Variants in CEP350 observed in about 807,000 individuals in gnomAD.
The protein encoded by CEP350 is centrosome-associated protein 350.
In CEP350, 126 loss-of-function variants were observed where a neutral mutation model predicts 331.8. The ratio of observed to expected loss-of-function variants is 0.38; its 90% confidence interval spans 0.33 to 0.44. CEP350 has a LOEUF of 0.44. Ranked by LOEUF, CEP350 falls within the 20% of genes least tolerant of loss-of-function variation. CEP350 has a pLI of 1.00. For missense variants in CEP350, 3,406 were observed against 3,634.6 expected, an observed-to-expected ratio of 0.94 and a Z score of 1.62; for synonymous variants, 1,200 against 1,259.5, an observed-to-expected ratio of 0.95 and a Z score of 1.00.
chr1:180,112,730 C>A lies in CEP350; in HGVS notation c.*1569C>A, dbSNP rs1375819161. The A allele has an allele frequency of 6.6e-6, 1 of 152,596 alleles. No homozygotes were observed. The highest frequency in any genetic ancestry group is 1.5e-5 in the Non-Finnish European group (1 of 68,024). 9.5% of individuals were successfully genotyped at this position (152,596 alleles called of 1,614,324 possible). A position where few individuals can be genotyped will look rare whatever the true frequency, so the allele number is the denominator to read the frequency against. ...ATAGCTTCAAAGTATATTAGAAAAA[C>A]CCCAAAGATGGTATAATCTTTAAGT... is the stretch of plus-strand genomic sequence containing the variant. On this transcript the variant is annotated 3_prime_UTR_variant, in exon 38 of 38. Coordinates refer to ENST00000367607, the MANE Select transcript of CEP350 (RefSeq NM_014810.5).
At chr1:179,985,869 A>G (rs146695578) in intron 1 of CEP350, among the ~76,000 whole-genome samples, 255 of 152,254 alleles carry the variant, frequency 1.7e-3, no homozygotes, top group Non-Finnish European at 2.9e-3. Flanking sequence ...ACCAAACCAT[A>G]TCATATATCT....
intron 37 of CEP350, among the ~76,000 whole-genome samples, chr1:180,102,650 G>A (rs898693066): frequency 2.6e-5 from 4 of 151,920 alleles, no homozygotes; most frequent in East Asian, 1.9e-4. Context: ...CATTGTTTCT[G>A]CATCCTTTTC....
chr1:180,086,673 C>T (rs1479644021), intron 31 of CEP350, among the ~76,000 whole-genome samples: 3 of 152,216 alleles, frequency 2.0e-5, no homozygotes, highest in Non-Finnish European at 4.4e-5. Flanking sequence ...TCATAGTCCT[C>T]ATATATACCT....
intron 1 of CEP350, among the ~76,000 whole-genome samples, chr1:179,955,973 A>G (rs1393132752): frequency 2.6e-5 from 4 of 152,224 alleles, no homozygotes; most frequent in Admixed American, 6.5e-5. Context: ...CTGTATTTGA[A>G]GAGTTTTAAA....
intron 14 of CEP350, among the ~76,000 whole-genome samples, chr1:180,025,837 G>A (rs1488424156): frequency 6.6e-6 from 1 of 152,058 alleles, no homozygotes; most frequent in Non-Finnish European, 1.5e-5. Flanking sequence ...GATAGGTGTA[G>A]CAAACCACCA....
chr1:180,029,038 G>C (rs1489380831), intron 14 of CEP350, among the ~76,000 whole-genome samples: 1 of 152,084 alleles, frequency 6.6e-6, no homozygotes, highest in African/African-American at 2.4e-5. Context: ...AAATCAGTGT[G>C]ATTTTAATTG....
At chr1:179,991,962 A>G (rs913068620) in intron 4 of CEP350, 100 bp from the exon 5 acceptor site, 51 of 1,145,936 alleles carry the variant, frequency 4.5e-5, no homozygotes, top group Non-Finnish European at 1.2e-6. Context: ...TCCAACTATT[A>G]GAAATAATAG....
intron 17 of CEP350, among the ~76,000 whole-genome samples, chr1:180,037,666 T>A (rs573239737): frequency 2.2e-4 from 34 of 151,510 alleles, no homozygotes; most frequent in East Asian, 7.7e-4. Flanking sequence ...TTATTTATTT[T>A]TTTGAGTTAG....
intron 37 of CEP350, among the ~76,000 whole-genome samples, chr1:180,107,560 C>T (rs747769775): frequency 3.3e-5 from 5 of 152,114 alleles, no homozygotes; most frequent in Non-Finnish European, 7.4e-5. Flanking sequence ...CCCAGCTACT[C>T]GGGAGACTGA....
chr1:180,017,958 T>C (rs933240651), intron 11 of CEP350, among the ~76,000 whole-genome samples: 3 of 152,238 alleles, frequency 2.0e-5, no homozygotes, highest in Non-Finnish European at 4.4e-5. Context: ...TGTTTGTTTG[T>C]CATCCCTGCT....
chr1:180,095,951 AT>A, intron 35 of CEP350, 21 bp downstream of exon 35: 7 of 1,584,880 alleles, frequency 4.4e-6, no homozygotes, highest in Non-Finnish European at 6.0e-6. Context: ...TAAAAGGATA[AT>A]TTTAGTTTTT....
intron 36 of CEP350, among the ~76,000 whole-genome samples, chr1:180,096,536 T>C (rs546841010): frequency 1.4e-4 from 21 of 152,194 alleles, no homozygotes; most frequent in Non-Finnish European, 2.4e-4. Context: ...TTGGGGGCTT[T>C]AGAGATAGGT....
intron 25 of CEP350, among the ~76,000 whole-genome samples, chr1:180,057,728 A>G (rs1476556240): frequency 4.6e-5 from 7 of 152,092 alleles, no homozygotes; most frequent in Admixed American, 2.0e-4. Context: ...TAATTCATTC[A>G]AAGATTGTGC....
chr1:180,094,959 A>G (rs921491537), intron 34 of CEP350, among the ~76,000 whole-genome samples: 2 of 152,162 alleles, frequency 1.3e-5, no homozygotes, highest in Non-Finnish European at 2.9e-5. Flanking sequence ...TCACTGAACA[A>G]ATTCGTTCCA....
intron 37 of CEP350, among the ~76,000 whole-genome samples, chr1:180,108,585 G>A (rs1661287223): frequency 6.6e-6 from 1 of 152,170 alleles, no homozygotes; most frequent in Non-Finnish European, 1.5e-5. Flanking sequence ...ATTCATTGGG[G>A]ATGTGAAATT....
At position 180,015,869 on chromosome 1, in the gene CEP350, A is replaced by G. The variant is rs1367727794; in HGVS notation, c.2073A>G (p.Pro691=). 1.9e-6 allele frequency: 3 copies of G among 1,613,884 alleles called. No individual in the cohort carries two copies. The highest frequency in any genetic ancestry group is 2.2e-5 in the East Asian group (1 of 44,864). The change falls in exon 11 of 38, where the codon CCA becomes CCG. Residue 691 remains proline (P), a synonymous_variant. Transcript: ENST00000367607. ...CCTAGGCCAAACCAGGGTATCAGCC[A>G]TCTGGAGAATCTGACAAAGAAAACA... ...QETQAKPGYQ[P]SGESDKENKV...
intron 7 of CEP350, among the ~76,000 whole-genome samples, chr1:180,003,930 A>C (rs1654039667): frequency 6.6e-6 from 1 of 152,172 alleles, no homozygotes; most frequent in Non-Finnish European, 1.5e-5. Context: ...CTGATTCTAA[A>C]GTGTGAGGTC....
chr1:180,093,202 A>G lies in CEP350; in HGVS notation c.7097A>G (p.His2366Arg), dbSNP rs1379889606. Residue 2366 changes from histidine (H) to arginine (R), a missense_variant, in exon 34 of 38, where the codon CAT becomes CGT. This residue lies in a region of CEP350 where 1,415 missense variants were observed against 1,512.3 expected (regional missense o/e 0.94). Transcript: ENST00000367607. ...GAAAAAGATTTGTCTTGGTCAGAAC[A>G]TCTTTTTGCTCCTAAAGAGATACCA... ...TKEKDLSWSE[H>R]LFAPKEIPYS... The G allele has an allele frequency of 1.2e-6, 2 of 1,600,914 alleles. No individual in the cohort carries two copies. Among genetic ancestry groups the G allele is most frequent in the East Asian group, 2.2e-5 (1 of 44,686 alleles).
intron 7 of CEP350, among the ~76,000 whole-genome samples, chr1:180,004,064 A>G (rs1056126251): frequency 2.0e-5 from 3 of 152,210 alleles, no homozygotes; most frequent in African/African-American, 7.2e-5. Context: ...GTGCAAAGGA[A>G]GAATAATGTA....
Sources: gnomAD v4.1 joint callset for allele counts (sites outside exome capture counted in the v4.1 genomes callset) on GRCh38, gnomAD v4.1.1 for gene constraint, gnomAD v4.1.1 regional missense constraint, MANE v1.5 for transcripts, NCBI Gene and HGNC (gene_info 2026-07-23, HGNC 2026-07-21) for gene names.